Variants in AGBL4 observed in about 807,000 individuals in gnomAD.
AGBL4 encodes AGBL carboxypeptidase 4.
In AGBL4, 58 loss-of-function variants were observed where a neutral mutation model predicts 66.4. That is an observed-to-expected ratio of 0.87 (90% CI 0.71 to 1.09). The LOEUF (loss-of-function observed/expected upper bound fraction) is 1.09. Ranked by LOEUF, AGBL4 falls within the 50% of genes least tolerant of loss-of-function variation. AGBL4 has a pLI of 0.00. For synonymous variants in AGBL4, 234 were observed against 222.9 expected, an observed-to-expected ratio of 1.05 and a Z score of -0.44; for missense variants, 579 against 631.0, an observed-to-expected ratio of 0.92 and a Z score of 0.88.
At chr1:49,097,041 C>T (rs979010143) in intron 4 of AGBL4, among the ~76,000 whole-genome samples, 2 of 152,082 alleles carry the variant, frequency 1.3e-5, no homozygotes, top group Admixed American at 6.6e-5. Flanking sequence ...CCTCATAAGT[C>T]TCATAGTAAA....
intron 3 of AGBL4, among the ~76,000 whole-genome samples, chr1:49,616,683 C>T (rs987704073): frequency 6.6e-6 from 1 of 152,130 alleles, no homozygotes; most frequent in Admixed American, 6.6e-5. Context: ...CTAGACATAT[C>T]CAAAACCTAG....
chr1:48,547,537 C>A (rs1043076876), intron 11 of AGBL4, among the ~76,000 whole-genome samples: 1 of 151,930 alleles, frequency 6.6e-6, no homozygotes, highest in Non-Finnish European at 1.5e-5. Context: ...GAGGTCAGTT[C>A]GGAGCATGTT....
chr1:49,790,438 A>G (rs533651271), intron 2 of AGBL4, among the ~76,000 whole-genome samples: 2 of 152,110 alleles, frequency 1.3e-5, no homozygotes, highest in Admixed American at 1.3e-4. Flanking sequence ...AGTTCAATCT[A>G]TGCAGATCAT....
intron 2 of AGBL4, among the ~76,000 whole-genome samples, chr1:49,796,585 A>G (rs1247553183): frequency 6.6e-6 from 1 of 151,448 alleles, no homozygotes; most frequent in Non-Finnish European, 1.5e-5. Context: ...AAATTCGTTC[A>G]TGTATAATAA....
chr1:49,736,216 C>G (rs1342802604), intron 2 of AGBL4, among the ~76,000 whole-genome samples: 1 of 151,922 alleles, frequency 6.6e-6, no homozygotes, highest in East Asian at 1.9e-4. Flanking sequence ...ACTTAGAGAT[C>G]CTTAGACACA....
intron 6 of AGBL4, among the ~76,000 whole-genome samples, chr1:48,814,171 C>T (rs999024700): frequency 9.2e-5 from 14 of 152,242 alleles, no homozygotes; most frequent in Admixed American, 2.6e-4. Flanking sequence ...TGTCAACCTC[C>T]TCCTTGGGAC....
rs116532953 is a variant in AGBL4 at position 49,811,955 on chromosome 1, C to T, written c.157+39441G>A. On this transcript the variant is annotated intron_variant, in intron 2 of 13. Coordinates refer to ENST00000371839, the MANE Select transcript of AGBL4 (RefSeq NM_032785.4). Reference sequence around the variant, plus strand: ...TTTTCTTCTCCCTACGTCATGTTGCCTCCACAGTGTTACATGCCACAGTGC... The same window carrying T: ...TTTTCTTCTCCCTACGTCATGTTGCTTCCACAGTGTTACATGCCACAGTGC... 5.4e-3 allele frequency among the ~76,000 whole-genome samples: 828 copies of T among 152,260 alleles called. 8 individuals carry two copies. The highest frequency in any genetic ancestry group is 6.8e-3 in the Non-Finnish European group (460 of 68,012).
Position 49,072,831 on chromosome 1 carries a change from G to T in AGBL4, c.378-27031C>A, listed in dbSNP as rs188721490. 2.6e-3 allele frequency among the ~76,000 whole-genome samples: 401 copies of T among 152,324 alleles called. 1 individual carries two copies. Among genetic ancestry groups the T allele is most frequent in the African/African-American group, 9.2e-3 (381 of 41,568 alleles). ...AAGTTCTCCTGGATAATATCCATAA[G>T]AGTGTTTTCCAACTTGTTTCCATTC... On this transcript the variant is annotated intron_variant, in intron 4 of 13. Transcript: ENST00000371839.
At chr1:49,473,070 T>C (rs2148714920) in intron 3 of AGBL4, among the ~76,000 whole-genome samples, 1 of 152,208 alleles carries the variant, frequency 6.6e-6, no homozygotes, top group Non-Finnish European at 1.5e-5. Context: ...AGCATCTAGG[T>C]TGATTCCATG....
chr1:49,401,784 A>C (rs760397318), intron 3 of AGBL4, among the ~76,000 whole-genome samples: 5 of 152,200 alleles, frequency 3.3e-5, no homozygotes, highest in Admixed American at 2.0e-4. Context: ...GTTTGGTAGA[A>C]TTCAACAATG....
intron 3 of AGBL4, among the ~76,000 whole-genome samples, chr1:49,524,824 T>C (rs1393833772): frequency 1.3e-5 from 2 of 152,012 alleles, no homozygotes; most frequent in Non-Finnish European, 2.9e-5. Flanking sequence ...ACCACTGATA[T>C]CACTCCTACT....
chr1:48,719,959 A>G (rs1231942973), intron 6 of AGBL4, among the ~76,000 whole-genome samples: 2 of 152,174 alleles, frequency 1.3e-5, no homozygotes, highest in Non-Finnish European at 2.9e-5. Flanking sequence ...GGCCTATCAA[A>G]CTTCAACCCA....
At chr1:49,739,439 T>G (rs944340428) in intron 2 of AGBL4, among the ~76,000 whole-genome samples, 1 of 152,174 alleles carries the variant, frequency 6.6e-6, no homozygotes, top group Non-Finnish European at 1.5e-5. Flanking sequence ...TTGGTGTACC[T>G]GAAAGTGACG....
At chr1:49,786,082 GA>G (rs1460850600) in intron 2 of AGBL4, among the ~76,000 whole-genome samples, 3 of 151,682 alleles carry the variant, frequency 2.0e-5, no homozygotes, top group Admixed American at 1.3e-4. Context: ...AAAACAAAGG[GA>G]AATGTTTTCT....
chr1:48,709,097 C>A (rs1020091092), intron 6 of AGBL4, among the ~76,000 whole-genome samples: 1 of 152,182 alleles, frequency 6.6e-6, no homozygotes, highest in South Asian at 2.1e-4. Flanking sequence ...AGGAAGGGCT[C>A]TTACTTGGAT....
At position 49,979,257 on chromosome 1, in the gene AGBL4, C is replaced by T. The variant is rs184440440; in HGVS notation, c.34+44506G>A. On this transcript the variant is annotated intron_variant, in intron 1 of 13. Coordinates refer to ENST00000371839, the MANE Select transcript of AGBL4 (RefSeq NM_032785.4). ...CGGGTGGATCATGAGGTCAGGAGAT[C>T]GAGACCATCCTGGCTAACAAGGTGA... 2.3e-3 allele frequency among the ~76,000 whole-genome samples: 354 copies of T among 151,156 alleles called. 3 individuals carry two copies. Among genetic ancestry groups the T allele is most frequent in the Admixed American group, 2.9e-3 (44 of 15,202 alleles).
intron 4 of AGBL4, among the ~76,000 whole-genome samples, chr1:49,100,263 T>A (rs1645176983): frequency 6.6e-6 from 1 of 152,186 alleles, no homozygotes; most frequent in African/African-American, 2.4e-5. Context: ...TGTCCTAAGT[T>A]GGGCCGAGAT....
At chr1:48,772,336 G>A (rs1415627023) in intron 6 of AGBL4, among the ~76,000 whole-genome samples, 1 of 152,192 alleles carries the variant, frequency 6.6e-6, no homozygotes, top group Non-Finnish European at 1.5e-5. Flanking sequence ...AATGTACTTT[G>A]TCCACTCCTT....
At chr1:48,760,211 G>C (rs924433465) in intron 6 of AGBL4, among the ~76,000 whole-genome samples, 1 of 152,324 alleles carries the variant, frequency 6.6e-6, no homozygotes, top group Non-Finnish European at 1.5e-5. Context: ...ACTGCCTAAG[G>C]AAATTCTAGC....
Sources: allele counts gnomAD v4.1 joint callset (sites outside exome capture counted in the v4.1 genomes callset), GRCh38; gene constraint gnomAD v4.1.1; transcripts MANE v1.5; gene names NCBI Gene and HGNC (gene_info 2026-07-23, HGNC 2026-07-21).